ZFHX3: variants seen among roughly 807,000 people sequenced by gnomAD.
ZFHX3 encodes zinc finger homeobox 3.
A neutral mutation model predicts 279.1 loss-of-function variants in ZFHX3; 42 were observed. The ratio of observed to expected loss-of-function variants is 0.15; its 90% CI spans 0.12 to 0.19. ZFHX3 has a LOEUF of 0.19. Ranked by LOEUF, ZFHX3 falls within the 10% of genes least tolerant of loss-of-function variation. The probability of loss-of-function intolerance (pLI) is 1.00; values close to 1 mark genes in which losing one functional copy is unlikely to be tolerated. For synonymous variants in ZFHX3, 2,293 were observed against 1,957.8 expected, an observed-to-expected ratio of 1.17 and a Z score of -4.52; for missense variants, 4,981 against 4,754.0, an observed-to-expected ratio of 1.05 and a Z score of -1.40.
At chr16:73,570,786 T>C (rs1240717274) in intron 2 of ZFHX3, among the ~76,000 whole-genome samples, 2 of 152,104 alleles carry the variant, frequency 1.3e-5, no homozygotes, top group African/African-American at 2.4e-5. Flanking sequence ...CACTTATAAA[T>C]CTCTTTAAAT....
intron 3 of ZFHX3, among the ~76,000 whole-genome samples, chr16:72,906,469 C>A (rs1417369990): frequency 6.6e-6 from 1 of 151,952 alleles, no homozygotes; most frequent in Non-Finnish European, 1.5e-5. Flanking sequence ...TGAGGAATTT[C>A]CTTCAGTAAA....
At chr16:73,371,531 G>C (rs998732575) in intron 3 of ZFHX3, among the ~76,000 whole-genome samples, 3 of 151,830 alleles carry the variant, frequency 2.0e-5, no homozygotes, top group African/African-American at 7.3e-5. Context: ...AGTTAAGTGA[G>C]TTTCCCAGTG....
At chr16:73,113,779 C>T (rs1966403477) in intron 7 of ZFHX3, among the ~76,000 whole-genome samples, 1 of 129,882 alleles carries the variant, frequency 7.7e-6, no homozygotes. Flanking sequence ...ATGACCAAGA[C>T]TCTTTTTTGG....
intron 2 of ZFHX3, among the ~76,000 whole-genome samples, chr16:73,625,609 A>G (rs533725499): frequency 6.6e-6 from 1 of 152,370 alleles, no homozygotes; most frequent in African/African-American, 2.4e-5. Flanking sequence ...TGGTTTAGAT[A>G]AGGATGGCTG....
chr16:73,528,827 TCA>T (rs2019741080), intron 2 of ZFHX3, among the ~76,000 whole-genome samples: 1 of 152,112 alleles, frequency 6.6e-6, no homozygotes, highest in Admixed American at 6.5e-5. Flanking sequence ...ACCATGGGAA[TCA>T]CACACAGGAC....
At chr16:73,526,285 A>G (rs1216194909) in intron 2 of ZFHX3, among the ~76,000 whole-genome samples, 5 of 152,236 alleles carry the variant, frequency 3.3e-5, no homozygotes, top group African/African-American at 2.4e-5. Context: ...CGCTTGATTA[A>G]CGAGTGACAG....
intron 2 of ZFHX3, among the ~76,000 whole-genome samples, chr16:73,637,285 A>T (rs867445761): frequency 9.1e-5 from 13 of 143,074 alleles, no homozygotes; most frequent in African/African-American, 2.7e-4. Flanking sequence ...AGGCTGCAGT[A>T]CAACGGGGTG....
chr16:73,859,175 T>C (rs1961817246), intron 1 of ZFHX3, among the ~76,000 whole-genome samples: 1 of 152,142 alleles, frequency 6.6e-6, no homozygotes. Context: ...AGGACTGATG[T>C]CCCCAGTTGA....
chr16:73,482,843 G>A (rs1440686855), intron 2 of ZFHX3, among the ~76,000 whole-genome samples: 1 of 152,142 alleles, frequency 6.6e-6, no homozygotes, highest in African/African-American at 2.4e-5. Context: ...TTACATTTGT[G>A]CCTCACTTAT....
intron 3 of ZFHX3, among the ~76,000 whole-genome samples, chr16:73,428,373 C>A (rs1385816403): frequency 6.6e-6 from 1 of 152,128 alleles, no homozygotes; most frequent in Non-Finnish European, 1.5e-5. Context: ...ATTCTGGCAG[C>A]CTGCATCGGT....
At chr16:73,695,511 C>A (rs531761048) in intron 1 of ZFHX3, among the ~76,000 whole-genome samples, 1 of 152,256 alleles carries the variant, frequency 6.6e-6, no homozygotes, top group African/African-American at 2.4e-5. Flanking sequence ...CAGAACTAGT[C>A]AACAGAAGGT....
chr16:73,704,913 C>T (rs772057920), intron 1 of ZFHX3, among the ~76,000 whole-genome samples: 3 of 152,154 alleles, frequency 2.0e-5, no homozygotes, highest in African/African-American at 4.8e-5. Context: ...GTGCTGGCAA[C>T]GGGTTCTCCA....
At chr16:73,333,178 T>C (rs1360048758) in intron 3 of ZFHX3, among the ~76,000 whole-genome samples, 2 of 152,138 alleles carry the variant, frequency 1.3e-5, no homozygotes, top group East Asian at 3.9e-4. Context: ...GATAGTTACA[T>C]AGATAGACAC....
At chr16:73,451,230 G>C (rs2143559255) in intron 3 of ZFHX3, among the ~76,000 whole-genome samples, 1 of 152,308 alleles carries the variant, frequency 6.6e-6, no homozygotes. Flanking sequence ...CAAGCTTTCA[G>C]CTTACACTAG....
At chr16:73,365,537 A>C (rs187816192) in intron 3 of ZFHX3, among the ~76,000 whole-genome samples, 30 of 152,338 alleles carry the variant, frequency 2.0e-4, no homozygotes, top group African/African-American at 6.7e-4. Flanking sequence ...GTTCAGTGAC[A>C]TATAGAGGAG....
At chr16:73,716,631 AC>A in intron 1 of ZFHX3, among the ~76,000 whole-genome samples, 1 of 143,240 alleles carries the variant, frequency 7.0e-6, no homozygotes, top group Non-Finnish European at 1.6e-5. Context: ...ACACACACAC[AC>A]ACACACACAC....
intron 5 of ZFHX3, among the ~76,000 whole-genome samples, chr16:73,185,830 TG>T (rs1325403772): frequency 6.6e-6 from 1 of 152,104 alleles, no homozygotes; most frequent in Non-Finnish European, 1.5e-5. Context: ...GGACCAGTAC[TG>T]GTCCATGGCC....
At chr16:73,202,096 T>C (rs1338228970) in intron 5 of ZFHX3, among the ~76,000 whole-genome samples, 1 of 152,200 alleles carries the variant, frequency 6.6e-6, no homozygotes, top group Non-Finnish European at 1.5e-5. Flanking sequence ...CATTTAAATG[T>C]AAAGATCTCA....
Position 72,958,106 on chromosome 16 carries a change from A to G in ZFHX3, c.2040T>C (p.Tyr680=). The change falls in exon 2 of 10, where the codon TAT becomes TAC. Residue 680 remains tyrosine, a synonymous_variant. Transcript: ENST00000268489. ...GTGCCTCCAGGGTCTGCTGGTACTT[A>G]TAGTGCCAGTTGCACTTGGGGCACT... is the stretch of plus-strand genomic sequence containing the variant. The part of the protein sequence containing the change: ...TLKCPKCNWH[Y]KYQQTLEAHM... The G allele has an allele frequency of 1.2e-6, 2 of 1,614,160 alleles. No homozygotes were observed. The highest frequency in any genetic ancestry group is 1.7e-6 in the Non-Finnish European group (2 of 1,180,032).
Sources: gnomAD v4.1 joint callset for allele counts (sites outside exome capture counted in the v4.1 genomes callset) on GRCh38, gnomAD v4.1.1 for gene constraint, MANE v1.5 for transcripts, NCBI Gene and HGNC (gene_info 2026-07-23, HGNC 2026-07-21) for gene names.